KCNJ2: variants seen among roughly 807,000 people sequenced by gnomAD.
KCNJ2 encodes inward rectifier potassium channel 2.
Under a neutral mutation model 28.4 loss-of-function variants are expected in KCNJ2, and 12 were observed. The observed-to-expected ratio is 0.42, with a 90% CI of 0.27 to 0.68. The LOEUF (loss-of-function observed/expected upper bound fraction) is 0.68. Among genes scored for constraint, KCNJ2 ranks in the 30% least tolerant of loss-of-function variants. The probability of loss-of-function intolerance (pLI) is 0.23; values close to 1 mark genes in which losing one functional copy is unlikely to be tolerated. For synonymous variants in KCNJ2, 200 were observed against 203.2 expected, an observed-to-expected ratio of 0.98 and a Z score of 0.13; for missense variants, 320 against 551.3, an observed-to-expected ratio of 0.58 and a Z score of 4.20.
intron 1 of KCNJ2, among the ~76,000 whole-genome samples, chr17:70,172,312 CAAAAAAAAAAA>C (rs60636682): frequency 1.7e-4 from 15 of 85,886 alleles, no homozygotes; most frequent in Admixed American, 4.3e-4. Context: ...TTCTTTTTGC[CAAAAAAAAAAA>C]AAAAAAAAAA....
rs2074395334 is a variant in KCNJ2, at chr17:70,176,642, C to A, written c.*319C>A. On this transcript the variant is annotated 3_prime_UTR_variant, in exon 2 of 2. Coordinates refer to ENST00000243457, the MANE Select transcript of KCNJ2 (RefSeq NM_000891.3). ...GGTATTTGATTTATCCAGAATGCTT[C>A]TCTTTAGGGAACAAGGATGTTTTTA... 1 of 403,958 alleles carries A rather than the reference C, an allele frequency of 2.5e-6. No individual in the cohort carries two copies. The highest frequency in any genetic ancestry group is 2.0e-5 in the African/African-American group (1 of 49,058). 25.0% of individuals were successfully genotyped at this position (403,958 alleles called of 1,614,324 possible).
Position 70,178,114 on chromosome 17 carries a change from A to C in KCNJ2, c.*1791A>C, listed in dbSNP as rs2074406333. On this transcript the variant is annotated 3_prime_UTR_variant, in exon 2 of 2. Coordinates refer to ENST00000243457, the MANE Select transcript of KCNJ2 (RefSeq NM_000891.3). ...CTTTTTAATTGGAGTCTCAAAATCA[A>C]CTCTCTTATGGTATTATATCTCTGT... 6.2e-6 allele frequency: 1 copy of C among 162,152 alleles called. No individual in the cohort carries two copies. The highest frequency in any genetic ancestry group is 6.9e-5 in the Admixed American group (1 of 14,594). The allele number at this position is 162,152 out of a possible 1,614,324, so 10.0% of individuals were successfully genotyped here.
intron 1 of KCNJ2, among the ~76,000 whole-genome samples, chr17:70,171,034 T>C (rs1384221383): frequency 2.0e-5 from 3 of 152,256 alleles, no homozygotes; most frequent in African/African-American, 7.2e-5. Flanking sequence ...GAATCTCTGG[T>C]TAGCTGTAGC....
rs568408913 is a variant in KCNJ2, at chr17:70,176,398, AT to A, written c.*76del. 29 of 1,366,250 alleles carry A rather than the reference AT, an allele frequency of 2.1e-5. No individual in the cohort carries two copies. In the South Asian group the frequency reaches 2.7e-4, roughly 13 times the overall value. The allele number at this position is 1,366,250 out of a possible 1,614,324, so 84.6% of individuals were successfully genotyped here. A position where few individuals can be genotyped will look rare whatever the true frequency, so the allele number is the denominator to read the frequency against. On this transcript the variant is annotated 3_prime_UTR_variant, in exon 2 of 2. Coordinates refer to ENST00000243457, the MANE Select transcript of KCNJ2 (RefSeq NM_000891.3). Reference sequence around the variant, plus strand: ...TCAGAGGCCCAAAACAGTTATACAGATGACGGTACTGGTCAAGATGGGTCAA... The same window carrying A: ...TCAGAGGCCCAAAACAGTTATACAGAGACGGTACTGGTCAAGATGGGTCAA...
chr17:70,179,735 G>A lies in KCNJ2; in HGVS notation c.*3412G>A, dbSNP rs909755476. On this transcript the variant is annotated 3_prime_UTR_variant, in exon 2 of 2. Coordinates refer to ENST00000243457, the MANE Select transcript of KCNJ2 (RefSeq NM_000891.3). ...GCAAAAGCTTGTCCTGAGAAGTAGA[G>A]TGAGTTCTTTTTCACTCTGTGTCTA... 6 of 166,688 alleles carry A rather than the reference G, an allele frequency of 3.6e-5. No homozygotes were observed. Among genetic ancestry groups the A allele is most frequent in the African/African-American group, 1.4e-4 (6 of 41,388 alleles). The allele number at this position is 166,688 out of a possible 1,614,324, so 10.3% of individuals were successfully genotyped here. A position where few individuals can be genotyped will look rare whatever the true frequency, so the allele number is the denominator to read the frequency against.
At chr17:70,174,320 C>T (rs1212254871) in intron 1 of KCNJ2, among the ~76,000 whole-genome samples, 1 of 152,194 alleles carries the variant, frequency 6.6e-6, no homozygotes, top group African/African-American at 2.4e-5. Context: ...CGATTTCAAC[C>T]TTGCCATCAG....
Position 70,176,276 on chromosome 17 carries a change from A to G in KCNJ2, c.1237A>G (p.Ser413Gly). Residue 413 changes from serine to glycine, a missense_variant, in exon 2 of 2, where the codon AGT (serine) becomes GGT (glycine). Ser to Gly is a moderately conservative substitution (Grantham distance 56, BLOSUM62 0). Around this residue, in one of 3 missense-constraint regions of KCNJ2, gnomAD observed 155 missense variants for 231.6 expected, o/e 0.67. Coordinates refer to ENST00000243457, the MANE Select transcript of KCNJ2 (RefSeq NM_000891.3). ...PPDIDLHNQA[S>G]VPLEPRPLRR... is the part of the protein sequence containing the mutation. Reference sequence around the variant, plus strand: ...TGACATAGACCTTCACAACCAGGCAAGTGTACCTCTAGAGCCCAGGCCCTT... The same window carrying G: ...TGACATAGACCTTCACAACCAGGCAGGTGTACCTCTAGAGCCCAGGCCCTT... 1 of 1,614,148 alleles carries G rather than the reference A, an allele frequency of 6.2e-7. No homozygotes were observed. The highest frequency in any genetic ancestry group is 1.1e-5 in the South Asian group (1 of 91,084).
chr17:70,176,268 A>G lies in KCNJ2; in HGVS notation c.1229A>G (p.Asn410Ser), dbSNP rs141069645. ...TDTPPDIDLH[N>S]QASVPLEPRP... Reference sequence around the variant, plus strand: ...ACGCCCCCTGACATAGACCTTCACAACCAGGCAAGTGTACCTCTAGAGCCC... The same window carrying G: ...ACGCCCCCTGACATAGACCTTCACAGCCAGGCAAGTGTACCTCTAGAGCCC... Residue 410 changes from asparagine to serine, a missense_variant, in exon 2 of 2, where the codon AAC (asparagine) becomes AGC (serine). Transcript: ENST00000243457. The G allele has an allele frequency of 2.8e-4, 445 of 1,614,168 alleles. 1 individual carries two copies. The highest frequency in any genetic ancestry group is 7.3e-4 in the Admixed American group (44 of 60,026).
At chr17:70,170,230 G>GTT (rs2074358047) in intron 1 of KCNJ2, among the ~76,000 whole-genome samples, 1 of 151,342 alleles carries the variant, frequency 6.6e-6, no homozygotes, top group Non-Finnish European at 1.5e-5. Context: ...GTGTCTCAAA[G>GTT]TTGCCTTCCT....
At chr17:70,173,639 T>C (rs1247725721) in intron 1 of KCNJ2, among the ~76,000 whole-genome samples, 1 of 152,206 alleles carries the variant, frequency 6.6e-6, no homozygotes, top group Non-Finnish European at 1.5e-5. Flanking sequence ...AGGAGAAAAC[T>C]GAGAACTACT....
rs1889941548 is a variant in KCNJ2 at position 70,174,836 on chromosome 17, G to T, written c.-204G>T. 6.3e-6 allele frequency: 4 copies of T among 630,734 alleles called. No individual in the cohort carries two copies. Among genetic ancestry groups the T allele is most frequent in the Admixed American group, 4.9e-5 (2 of 40,738 alleles). The allele number at this position is 630,734 out of a possible 1,614,324, so 39.1% of individuals were successfully genotyped here. A position where few individuals can be genotyped will look rare whatever the true frequency, so the allele number is the denominator to read the frequency against. ...TCTTTTCTTGCAGGACATGTTCTCT[G>T]GATGTCAGCTGAGTCATTAAAGTAA... On this transcript the variant is annotated 5_prime_UTR_variant, in exon 2 of 2. The change creates a premature stop within an existing upstream ORF in the 5' untranslated region. Transcript: ENST00000243457.
Position 70,177,521 on chromosome 17 carries a change from A to G in KCNJ2, c.*1198A>G, listed in dbSNP as rs9895478. On this transcript the variant is annotated 3_prime_UTR_variant, in exon 2 of 2. Coordinates refer to ENST00000243457, the MANE Select transcript of KCNJ2 (RefSeq NM_000891.3). ...GGTTTAAACCCTTGCTGCTGAATTT[A>G]TTGCCTGGACTGTCAGGACATCACC... 0.057 allele frequency: 9,576 copies of G among 167,178 alleles called. 1,016 individuals carry two copies. Among genetic ancestry groups the G allele is most frequent in the African/African-American group, 0.22 (9,066 of 41,502 alleles). The allele number at this position is 167,178 out of a possible 1,614,324, so 10.4% of individuals were successfully genotyped here.
At position 70,175,550 on chromosome 17, in the gene KCNJ2, A is replaced by G. The variant is rs150326473; in HGVS notation, c.511A>G (p.Ile171Val). 13 of 1,614,236 alleles carry G rather than the reference A, an allele frequency of 8.1e-6. No homozygotes were observed. The African/African-American group carries it at 1.1e-4, about 13-fold the overall frequency. Reference protein sequence around the residue: ...VVFQSIVGCIIDAFIIGAVMA... With the variant: ...VVFQSIVGCIVDAFIIGAVMA... ...GTTCCAGTCAATCGTGGGCTGCATC[A>G]TCGATGCTTTCATCATTGGCGCAGT... The change falls in exon 2 of 2, where the codon ATC becomes GTC. Residue 171 changes from isoleucine to valine, a missense_variant. Around this residue, in one of 3 missense-constraint regions of KCNJ2, gnomAD observed 111 missense variants for 256.7 expected, o/e 0.43. Coordinates refer to ENST00000243457, the MANE Select transcript of KCNJ2 (RefSeq NM_000891.3). This position sits in a 1 kb window ranked among gnomAD's most constrained non-coding sequence, Gnocchi z 8.3.
rs1468297765 is a variant in KCNJ2, at chr17:70,178,425, A to C, written c.*2102A>C. On this transcript the variant is annotated 3_prime_UTR_variant, in exon 2 of 2. Transcript: ENST00000243457. ...GAATTGGGGATTGAGTTGTAAAGAA[A>C]ACTTACAGAAGAGGCAACAATTTGG... The C allele has an allele frequency of 2.4e-5, 4 of 167,074 alleles. No homozygotes were observed. Among genetic ancestry groups the C allele is most frequent in the African/African-American group, 9.7e-5 (4 of 41,448 alleles). 10.3% of individuals were successfully genotyped at this position (167,074 alleles called of 1,614,324 possible). A position where few individuals can be genotyped will look rare whatever the true frequency, so the allele number is the denominator to read the frequency against.
chr17:70,170,699 T>C (rs1239678647), intron 1 of KCNJ2, among the ~76,000 whole-genome samples: 1 of 152,230 alleles, frequency 6.6e-6, no homozygotes, highest in Non-Finnish European at 1.5e-5. Context: ...CGCCAACCAA[T>C]GTTGTGTGTC....
Position 70,175,925 on chromosome 17 carries a change from G to T in KCNJ2, c.886G>T (p.Val296Phe). The T allele has an allele frequency of 6.2e-7, 1 of 1,614,064 alleles. No homozygotes were observed. The highest frequency in any genetic ancestry group is 8.5e-7 in the Non-Finnish European group (1 of 1,180,032). ...DIDNADFEIV[V>F]ILEGMVEATA... ...TGACAACGCAGACTTTGAAATCGTGGTCATACTGGAAGGCATGGTGGAAGC... is the reference window on the plus strand; with the variant it reads ...TGACAACGCAGACTTTGAAATCGTGTTCATACTGGAAGGCATGGTGGAAGC... The change falls in exon 2 of 2, where the codon GTC becomes TTC. Residue 296 changes from valine to phenylalanine, a missense_variant. Val to Phe is a conservative substitution (Grantham distance 50). Around this residue, in one of 3 missense-constraint regions of KCNJ2, gnomAD observed 155 missense variants for 231.6 expected, o/e 0.67. Coordinates refer to ENST00000243457, the MANE Select transcript of KCNJ2 (RefSeq NM_000891.3). The surrounding 1 kb of genome is among the most constrained non-coding windows in gnomAD (Gnocchi z 8.3).
rs2074395502 is a variant in KCNJ2 at position 70,176,683 on chromosome 17, C to A, written c.*360C>A. On this transcript the variant is annotated 3_prime_UTR_variant, in exon 2 of 2. Transcript: ENST00000243457. The stretch of plus-strand genomic sequence containing the variant: ...GATGTTTTTAATGGCATAACAAAGG[C>A]AAGACTCTGCCTTAATTTTTGAAAA... 3 of 301,908 alleles carry A rather than the reference C, an allele frequency of 9.9e-6. No individual in the cohort carries two copies. The highest frequency in any genetic ancestry group is 9.7e-5 in the Admixed American group (2 of 20,550). The allele number at this position is 301,908 out of a possible 1,614,324, so 18.7% of individuals were successfully genotyped here.
At chr17:70,170,128 C>T (rs988229018) in intron 1 of KCNJ2, among the ~76,000 whole-genome samples, 2 of 150,126 alleles carry the variant, frequency 1.3e-5, no homozygotes, top group Non-Finnish European at 2.9e-5. Context: ...TAAACCTTGG[C>T]AAAGCTTGGG....
chr17:70,172,949 A>G (rs575980527), intron 1 of KCNJ2, among the ~76,000 whole-genome samples: 146 of 152,354 alleles, frequency 9.6e-4, no homozygotes, highest in African/African-American at 3.4e-3. Context: ...TCTTTGGTCC[A>G]AGTGCAAACT....
Sources: gnomAD v4.1 joint callset for allele counts (sites outside exome capture counted in the v4.1 genomes callset) on GRCh38, gnomAD v4.1.1 for gene constraint, gnomAD v4.1.1 regional missense constraint, Gnocchi (gnomAD v3.1) non-coding constraint, MANE v1.5 for transcripts, NCBI Gene and HGNC (gene_info 2026-07-23, HGNC 2026-07-21) for gene names.